COL14A1: variants seen among roughly 807,000 people sequenced by gnomAD.
The protein encoded by COL14A1 is collagen alpha-1(XIV) chain.
COL14A1 carries 136 observed loss-of-function variants against 230.3 expected under a neutral mutation model. That is an observed-to-expected ratio of 0.59 (90% confidence interval 0.51 to 0.68). The LOEUF (loss-of-function observed/expected upper bound fraction) is 0.68. Ranked by LOEUF, COL14A1 falls within the 30% of genes least tolerant of loss-of-function variation. The pLI, the probability that COL14A1 is intolerant of heterozygous loss-of-function variation, is 0.00. For synonymous variants in COL14A1, 792 were observed against 784.1 expected (o/e 1.01, Z -0.17); for missense variants, 1,976 against 2,215.8 (o/e 0.89, Z 2.17).
At chr8:120,345,682 C>A in intron 45 of COL14A1, 119 bp downstream of exon 45, 1 of 860,858 alleles carries the variant, frequency 1.2e-6, no homozygotes, top group Non-Finnish European at 1.6e-6. Flanking sequence ...TTAATTCTGC[C>A]CCATCTATTC....
intron 2 of COL14A1, among the ~76,000 whole-genome samples, chr8:120,151,639 C>CAA (rs59123417): frequency 0.31 from 24,338 of 78,586 alleles, 4,657 homozygotes; most frequent in East Asian, 0.54. Flanking sequence ...GACTCCGTCT[C>CAA]AAAAAAAAAA....
At chr8:120,325,991 A>G (rs530143115) in intron 40 of COL14A1, among the ~76,000 whole-genome samples, 80 of 152,330 alleles carry the variant, frequency 5.3e-4, no homozygotes, top group Non-Finnish European at 1.0e-3. Context: ...TTGCCCATTA[A>G]TTTACCCTAC....
intron 22 of COL14A1, among the ~76,000 whole-genome samples, chr8:120,252,014 G>A (rs1818982966): frequency 6.6e-6 from 1 of 150,968 alleles, no homozygotes; most frequent in African/African-American, 2.4e-5. Flanking sequence ...GCTTTATTGA[G>A]GTATAATTGG....
intron 40 of COL14A1, among the ~76,000 whole-genome samples, chr8:120,317,841 A>G (rs1490188003): frequency 6.6e-6 from 1 of 152,192 alleles, no homozygotes; most frequent in Non-Finnish European, 1.5e-5. Context: ...AAGTGATAAG[A>G]TATGTGTAAT....
At position 120,369,304 on chromosome 8, in the gene COL14A1, G is replaced by A. The variant is rs760276744; in HGVS notation, c.5156-26G>A. ...CACCCTGTTGTGGCAAAAGACCAAC[G>A]GTTTTCATCTGTGGGTACTTCTTAG... On this transcript the variant is annotated intron_variant, in intron 46 of 47. Coordinates refer to ENST00000297848, the MANE Select transcript of COL14A1 (RefSeq NM_021110.4). 101 of 1,471,902 alleles carry A rather than the reference G, an allele frequency of 6.9e-5. 1 individual carries two copies. The South Asian group carries it at 1.2e-3, about 17-fold the overall frequency. 91.2% of individuals were successfully genotyped at this position (1,471,902 alleles called of 1,614,324 possible).
At position 120,371,304 on chromosome 8, in the gene COL14A1, T is replaced by C; in HGVS notation, c.*73T>C. The C allele has an allele frequency of 8.2e-7, 1 of 1,218,420 alleles. No individual in the cohort carries two copies. The highest frequency in any genetic ancestry group is 1.4e-5 in the South Asian group (1 of 71,134). 75.5% of individuals were successfully genotyped at this position (1,218,420 alleles called of 1,614,324 possible). ...TCTTGTTTGAGAAAATGTTGTTATGTGGTTTGTATGCTACTTTTGGGGGGC... is the reference window on the plus strand; with the variant it reads ...TCTTGTTTGAGAAAATGTTGTTATGCGGTTTGTATGCTACTTTTGGGGGGC... On this transcript the variant is annotated 3_prime_UTR_variant, in exon 48 of 48. Transcript: ENST00000297848.
At chr8:120,353,614 T>C (rs1266589168) in intron 45 of COL14A1, among the ~76,000 whole-genome samples, 1 of 151,412 alleles carries the variant, frequency 6.6e-6, no homozygotes, top group Non-Finnish European at 1.5e-5. Flanking sequence ...AGAAGACATT[T>C]ATGCAGCCAA....
chr8:120,307,661 A>C (rs190725472), intron 36 of COL14A1, among the ~76,000 whole-genome samples: 5 of 152,324 alleles, frequency 3.3e-5, no homozygotes, highest in Non-Finnish European at 7.3e-5. Context: ...AAACTTATGA[A>C]AAGATACATA....
Position 120,280,030 on chromosome 8 carries a change from G to T in COL14A1, c.3577G>T (p.Asp1193Tyr). Residue 1193 changes from aspartate to tyrosine, a missense_variant, in exon 29 of 48, where the codon GAT becomes TAT. Around this residue, in one of 3 missense-constraint regions of COL14A1, gnomAD observed 1,791 missense variants for 2,019.5 expected, o/e 0.89. Transcript: ENST00000297848. ...KPSARHVFFV[D>Y]DFDAFKKIED... ...CAGCGCACGCCATGTCTTCTTTGTG[G>T]ATGACTTTGACGCCTTTAAGAAAAT... 1 of 1,613,896 alleles carries T rather than the reference G, an allele frequency of 6.2e-7. No homozygotes were observed. The highest frequency in any genetic ancestry group is 8.5e-7 in the Non-Finnish European group (1 of 1,179,850).
chr8:120,277,816 A>G lies in COL14A1; in HGVS notation c.3214-295A>G, dbSNP rs552502486. On this transcript the variant is annotated intron_variant, in intron 26 of 47. Coordinates refer to ENST00000297848, the MANE Select transcript of COL14A1 (RefSeq NM_021110.4). ...AAACTGCCTATTGGGAACTATGCTC[A>G]CTACCTGGGGGACAGAATCATTTGT... 2.3e-4 allele frequency: 40 copies of G among 172,154 alleles called. 1 individual carries two copies. The highest frequency in any genetic ancestry group is 4.2e-4 in the Non-Finnish European group (34 of 81,432). The allele number at this position is 172,154 out of a possible 1,614,324, so 10.7% of individuals were successfully genotyped here. A position where few individuals can be genotyped will look rare whatever the true frequency, so the allele number is the denominator to read the frequency against.
chr8:120,128,271 T>C (rs1027058437), intron 1 of COL14A1, among the ~76,000 whole-genome samples: 3 of 151,274 alleles, frequency 2.0e-5, no homozygotes, highest in South Asian at 2.1e-4. Context: ...GTTGGAAATG[T>C]TGGCATATTT....
At chr8:120,192,189 G>C (rs1412938953) in intron 5 of COL14A1, among the ~76,000 whole-genome samples, 2 of 152,294 alleles carry the variant, frequency 1.3e-5, no homozygotes, top group African/African-American at 2.4e-5. Flanking sequence ...GGTACCGGTT[G>C]TTCCTTTCCA....
rs1812159543 is a variant in COL14A1, at chr8:120,371,581, T to C, written c.*350T>C. On this transcript the variant is annotated 3_prime_UTR_variant, in exon 48 of 48. Transcript: ENST00000297848. The stretch of plus-strand genomic sequence containing the variant: ...TCCTAAAATGAACAAACAGATATGA[T>C]TGTGTTTGAGGGAAATATGTCCCTA... 1.3e-5 allele frequency: 5 copies of C among 398,214 alleles called. No homozygotes were observed. Among genetic ancestry groups the C allele is most frequent in the Middle Eastern group, 6.3e-4 (1 of 1,600 alleles). The allele number at this position is 398,214 out of a possible 1,614,324, so 24.7% of individuals were successfully genotyped here.
At position 120,266,653 on chromosome 8, in the gene COL14A1, G is replaced by A. The variant is rs147881578; in HGVS notation, c.3017-174G>A. Among the ~76,000 whole-genome samples the A allele has an allele frequency of 7.0e-3, 1,063 of 152,088 alleles. 14 individuals carry two copies. Among genetic ancestry groups the A allele is most frequent in the African/African-American group, 0.024 (986 of 41,516 alleles). On this transcript the variant is annotated intron_variant, in intron 24 of 47. Transcript: ENST00000297848. ...CAAGCCTTCAGTCTGAGGATGAGAC[G>A]ATGGATGGAGTCAGTTTTCACAGGC...
intron 26 of COL14A1, among the ~76,000 whole-genome samples, chr8:120,271,362 C>T (rs1162367568): frequency 6.6e-6 from 1 of 151,030 alleles, no homozygotes; most frequent in African/African-American, 2.4e-5. Context: ...CACATGTTCC[C>T]CTAAACCTAA....
Position 120,328,327 on chromosome 8 carries a change from G to A in COL14A1, c.4660-3814G>A, listed in dbSNP as rs535038678. On this transcript the variant is annotated intron_variant, in intron 40 of 47. Transcript: ENST00000297848. Reference sequence around the variant, plus strand: ...CAGCTCACTGAAGTTTCAACCTTCCGGGCTCAAGCAATCCTCCAGAGTAGC... The same window carrying A: ...CAGCTCACTGAAGTTTCAACCTTCCAGGCTCAAGCAATCCTCCAGAGTAGC... Among the ~76,000 whole-genome samples, 18 of 152,104 alleles carry A rather than the reference G, an allele frequency of 1.2e-4. No homozygotes were observed. The South Asian group carries it at 1.5e-3, about 12-fold the overall frequency.
intron 5 of COL14A1, among the ~76,000 whole-genome samples, chr8:120,173,623 CATCT>C (rs145008956): frequency 0.33 from 44,255 of 132,458 alleles, 7,872 homozygotes; most frequent in African/African-American, 0.53. Context: ...ATCTATCATC[CATCT>C]ATCATCTTTG....
intron 45 of COL14A1, among the ~76,000 whole-genome samples, chr8:120,365,836 G>A (rs1345174099): frequency 6.6e-6 from 1 of 152,184 alleles, no homozygotes; most frequent in Non-Finnish European, 1.5e-5. Flanking sequence ...ACATGCAATA[G>A]GATTGGGTGT....
At chr8:120,209,361 T>C (rs1350210298) in intron 11 of COL14A1, among the ~76,000 whole-genome samples, 1 of 151,874 alleles carries the variant, frequency 6.6e-6, no homozygotes, top group Non-Finnish European at 1.5e-5. Flanking sequence ...AGAACAGGTC[T>C]CAAAAAAATA....
Sources: gnomAD v4.1 joint callset for allele counts (sites outside exome capture counted in the v4.1 genomes callset) on GRCh38, gnomAD v4.1.1 for gene constraint, gnomAD v4.1.1 regional missense constraint, MANE v1.5 for transcripts, NCBI Gene and HGNC (gene_info 2026-07-23, HGNC 2026-07-21) for gene names.